C2CD5: variants seen among roughly 807,000 people sequenced by gnomAD.
C2CD5 encodes C2 domain-containing protein 5.
A neutral mutation model predicts 130.3 loss-of-function variants in C2CD5; 109 were observed. That is an observed-to-expected ratio of 0.84 (90% CI 0.72 to 0.98). The LOEUF is 0.98. Among genes scored for constraint, C2CD5 ranks in the 50% least tolerant of loss-of-function variants. The pLI is 0.00. For synonymous variants in C2CD5, 454 were observed against 429.2 expected, an observed-to-expected ratio of 1.06 and a Z score of -0.71; for missense variants, 996 against 1,261.8, an observed-to-expected ratio of 0.79 and a Z score of 3.19.
rs1485425054 is a variant in C2CD5 at position 22,478,278 on chromosome 12, CT to C, written c.1902+34del. 5 of 1,529,734 alleles carry C rather than the reference CT, an allele frequency of 3.3e-6. No individual in the cohort carries two copies. In the Admixed American group the frequency reaches 6.7e-5, roughly 20 times the overall value. The allele number at this position is 1,529,734 out of a possible 1,614,324, so 94.8% of individuals were successfully genotyped here. On this transcript the variant is annotated intron_variant, in intron 15 of 26. Coordinates refer to ENST00000446597, the MANE Select transcript of C2CD5 (RefSeq NM_001286176.2). Reference sequence around the variant, plus strand: ...CTAAAAATATACTAATAAACAATAACTGATACATTCACAATGTAGGTTTGTT... The same window carrying C: ...CTAAAAATATACTAATAAACAATAACGATACATTCACAATGTAGGTTTGTT...
intron 19 of C2CD5, 35 bp from the exon 20 acceptor site, chr12:22,471,523 TTATTTAAAAA>T (rs1591983568): frequency 8.0e-7 from 1 of 1,257,618 alleles, no homozygotes. Flanking sequence ...TGTCACTTTT[TTATTTAAAAA>T]TTTTTAAAAG....
chr12:22,517,844 G>A (rs1949895551), intron 8 of C2CD5, 142 bp downstream of exon 8: 1 of 566,154 alleles, frequency 1.8e-6, no homozygotes, highest in South Asian at 2.6e-5. Context: ...TTTAATTGCA[G>A]TAACTGAAAA....
chr12:22,493,125 T>G (rs1479137007), intron 11 of C2CD5, 98 bp downstream of exon 11: 3 of 693,244 alleles, frequency 4.3e-6, no homozygotes, highest in Non-Finnish European at 7.4e-6. Context: ...TCCTGAACAC[T>G]TCGCTATTCT....
At chr12:22,539,514 C>CA (rs1952141206) in intron 2 of C2CD5, among the ~76,000 whole-genome samples, 1 of 152,098 alleles carries the variant, frequency 6.6e-6, no homozygotes, top group Admixed American at 6.6e-5. Context: ...AAGACAGAAC[C>CA]AACTCCAACT....
chr12:22,527,680 A>G (rs745497146), intron 4 of C2CD5, 41 bp downstream of exon 4: 12 of 1,141,556 alleles, frequency 1.1e-5, no homozygotes, highest in African/African-American at 1.6e-5. Context: ...AATAAAAAAG[A>G]TTAAGATTGT....
intron 26 of C2CD5, among the ~76,000 whole-genome samples, chr12:22,452,998 C>T: frequency 6.6e-6 from 1 of 152,094 alleles, no homozygotes. Flanking sequence ...GATAATTTTA[C>T]TAATGAAAAA....
intron 8 of C2CD5, among the ~76,000 whole-genome samples, chr12:22,517,344 A>G (rs915472525): frequency 6.6e-6 from 1 of 151,818 alleles, no homozygotes; most frequent in East Asian, 1.9e-4. Context: ...CTAAGGTATA[A>G]AGAACTAATC....
intron 21 of C2CD5, among the ~76,000 whole-genome samples, 183 bp from the exon 22 acceptor site, chr12:22,469,978 G>A (rs951808955): frequency 2.4e-4 from 37 of 151,986 alleles, no homozygotes; most frequent in African/African-American, 8.9e-4. Flanking sequence ...GCTGAGACTG[G>A]TGCTATCTTC....
chr12:22,455,967 G>C (rs117386360), intron 25 of C2CD5, among the ~76,000 whole-genome samples: 1 of 152,214 alleles, frequency 6.6e-6, no homozygotes, highest in South Asian at 2.1e-4. Flanking sequence ...ATATAGGCGT[G>C]AGCCACTGTG....
Position 22,506,615 on chromosome 12 carries a change from C to T in C2CD5, c.1147+96G>A, listed in dbSNP as rs1017367042. ...TAGTTTATACTTTCTTTTCATTTCT[C>T]TTTTCAGTTAGATTTGGCTTTAAAA... On this transcript the variant is annotated intron_variant, in intron 10 of 26. Transcript: ENST00000446597. The T allele has an allele frequency of 6.9e-6, 5 of 719,854 alleles. No homozygotes were observed. The African/African-American group carries it at 8.9e-5, about 13-fold the overall frequency. 44.6% of individuals were successfully genotyped at this position (719,854 alleles called of 1,614,324 possible).
Position 22,472,769 on chromosome 12 carries a change from T to C in C2CD5, c.2082A>G (p.Leu694=), listed in dbSNP as rs577533389. The C allele has an allele frequency of 3.2e-6, 5 of 1,584,804 alleles. No homozygotes were observed. Among genetic ancestry groups the C allele is most frequent in the East Asian group, 2.2e-5 (1 of 44,576 alleles). Residue 694 remains leucine (L), a synonymous_variant, in exon 17 of 27, where the codon CTA becomes CTG. Coordinates refer to ENST00000446597, the MANE Select transcript of C2CD5 (RefSeq NM_001286176.2). The part of the protein sequence containing the change: ...DTDAMEDVHS[L]LTDVPPPSGF... Reference sequence around the variant, plus strand: ...CTGAAGGAGGAGGAACATCAGTAAGTAGAGAATGGACATCTTCCATGGCAT... The same window carrying C: ...CTGAAGGAGGAGGAACATCAGTAAGCAGAGAATGGACATCTTCCATGGCAT...
intron 4 of C2CD5, among the ~76,000 whole-genome samples, chr12:22,526,290 GACA>G (rs145242676): frequency 4.1e-4 from 63 of 152,264 alleles, no homozygotes; most frequent in African/African-American, 1.4e-3. Flanking sequence ...TGATTATGGT[GACA>G]ACATTTGCTG....
chr12:22,474,830 AG>A lies in C2CD5; in HGVS notation c.1963del (p.Leu655Ter), dbSNP rs1452875378. ...ATCCGAGCTTTCTGATTGAGATCTT[AG>A]AAGTCTTGAGCGTTGCCTAGGTTCT... Reference protein sequence around the residue: ...IPEPRQRSRLLRSQSESSDEV... With the variant: ...IPEPRQRSRLXRSQSESSDEV... On this transcript the variant is annotated frameshift_variant, in exon 16 of 27. Coordinates refer to ENST00000446597, the MANE Select transcript of C2CD5 (RefSeq NM_001286176.2). LOFTEE classifies it high-confidence loss of function. 6.2e-7 allele frequency: 1 copy of A among 1,609,552 alleles called. No homozygotes were observed. The highest frequency in any genetic ancestry group is 1.3e-5 in the African/African-American group (1 of 74,884).
intron 22 of C2CD5, among the ~76,000 whole-genome samples, chr12:22,468,262 G>A (rs1296964250): frequency 6.6e-6 from 1 of 151,998 alleles, no homozygotes. Context: ...CCTATCGCCT[G>A]GGCTGGAGTG....
intron 26 of C2CD5, among the ~76,000 whole-genome samples, chr12:22,453,567 T>C (rs896680522): frequency 2.6e-5 from 4 of 152,112 alleles, no homozygotes; most frequent in African/African-American, 9.7e-5. Flanking sequence ...AGCATCATAG[T>C]CCAAACTAAA....
At chr12:22,540,228 A>G (rs1224341133) in intron 2 of C2CD5, among the ~76,000 whole-genome samples, 1 of 152,222 alleles carries the variant, frequency 6.6e-6, no homozygotes, top group East Asian at 1.9e-4. Context: ...TTTGAGAAGC[A>G]GTCACATTCA....
chr12:22,495,058 A>T (rs2136503692), intron 10 of C2CD5, among the ~76,000 whole-genome samples: 1 of 152,240 alleles, frequency 6.6e-6, no homozygotes, highest in African/African-American at 2.4e-5. Context: ...TCACAACCAT[A>T]GAAATGTATT....
chr12:22,472,329 G>T lies in C2CD5; in HGVS notation c.2126C>A (p.Thr709Lys). Residue 709 changes from threonine (T) to lysine (K), a missense_variant, in exon 18 of 27, where the codon ACA (threonine) becomes AAA (lysine). Thr to Lys is a moderately conservative substitution (Grantham distance 78). Transcript: ENST00000446597. ...PPPSGFYSCN[T>K]EIMPGINNWT... is the part of the protein sequence containing the mutation. ...ATTATTTATACCGGGCATAATTTCT[G>T]TATTACAACTATAAAAGCCTGTCAA... 6.8e-7 allele frequency: 1 copy of T among 1,474,322 alleles called. No homozygotes were observed. The highest frequency in any genetic ancestry group is 9.3e-7 in the Non-Finnish European group (1 of 1,072,036). 91.3% of individuals were successfully genotyped at this position (1,474,322 alleles called of 1,614,324 possible). A position where few individuals can be genotyped will look rare whatever the true frequency, so the allele number is the denominator to read the frequency against.
chr12:22,518,956 G>C lies in C2CD5; in HGVS notation c.801-819C>G. The C allele has an allele frequency of 7.1e-6, 4 of 563,228 alleles. No individual in the cohort carries two copies. The South Asian group carries it at 1.1e-4, about 15-fold the overall frequency. The allele number at this position is 563,228 out of a possible 1,614,324, so 34.9% of individuals were successfully genotyped here. A position where few individuals can be genotyped will look rare whatever the true frequency, so the allele number is the denominator to read the frequency against. On this transcript the variant is annotated intron_variant, in intron 7 of 26. Coordinates refer to ENST00000446597, the MANE Select transcript of C2CD5 (RefSeq NM_001286176.2). ...CCATATAGTTAGAGACTCTGTGGCA[G>C]CTAAATACAGAAGTTCCTCACTGCA...
Sources: allele counts gnomAD v4.1 joint callset (sites outside exome capture counted in the v4.1 genomes callset), GRCh38; gene constraint gnomAD v4.1.1; transcripts MANE v1.5; gene names NCBI Gene and HGNC (gene_info 2026-07-23, HGNC 2026-07-21).